The following TBC1D1 variants were observed in gnomAD, a reference collection of about 807,000 sequenced individuals.
TBC1D1 encodes the protein TBC1 domain family member 1.
A neutral mutation model predicts 125.6 loss-of-function variants in TBC1D1; 89 were observed. The observed-to-expected ratio is 0.71, with a 90% CI of 0.60 to 0.85. TBC1D1 has a LOEUF of 0.85. TBC1D1 is among the 40% of genes least tolerant of loss of function. The probability of loss-of-function intolerance (pLI) is 0.00; values close to 1 mark genes in which losing one functional copy is unlikely to be tolerated. For synonymous variants in TBC1D1, 565 were observed against 564.1 expected (o/e 1.00, Z -0.02); for missense variants, 1,377 against 1,469.2 (o/e 0.94, Z 1.03).
intron 14 of TBC1D1, among the ~76,000 whole-genome samples, chr4:38,097,431 C>T (rs1012116213): frequency 6.6e-6 from 1 of 151,928 alleles, no homozygotes; most frequent in African/African-American, 2.4e-5. Context: ...GCTCTGCCTC[C>T]CGGGTTCACA....
chr4:38,118,233 T>G, intron 17 of TBC1D1, 41 bp downstream of exon 19: 1 of 1,605,102 alleles, frequency 6.2e-7, no homozygotes, highest in African/African-American at 1.3e-5. Flanking sequence ...CAGCCTTCTC[T>G]TATTAGAGGG....
chr4:38,029,571 A>T (rs569053726), intron 7 of TBC1D1, among the ~76,000 whole-genome samples: 1 of 152,038 alleles, frequency 6.6e-6, no homozygotes. Context: ...GTTTCACCAT[A>T]TTGGCCAGGC....
intron 12 of TBC1D1, among the ~76,000 whole-genome samples, chr4:38,073,981 G>A (rs1578558307): frequency 6.6e-6 from 1 of 152,194 alleles, no homozygotes; most frequent in African/African-American, 2.4e-5. Flanking sequence ...GGCAGAGGGA[G>A]GATGGTCACA....
At chr4:38,125,336 G>T (rs528887096) in intron 18 of TBC1D1, among the ~76,000 whole-genome samples, 18 of 152,314 alleles carry the variant, frequency 1.2e-4, no homozygotes, top group Admixed American at 5.2e-4. Context: ...ATGCCACATG[G>T]AAACATGGTG....
At chr4:38,044,842 T>C (rs1749090564) in intron 9 of TBC1D1, among the ~76,000 whole-genome samples, 1 of 152,196 alleles carries the variant, frequency 6.6e-6, no homozygotes, top group Admixed American at 6.5e-5. Flanking sequence ...ACAGTTACTG[T>C]CAGCTGCTGG....
chr4:38,080,729 C>T (rs1224358572), intron 12 of TBC1D1, among the ~76,000 whole-genome samples: 1 of 152,038 alleles, frequency 6.6e-6, no homozygotes, highest in Non-Finnish European at 1.5e-5. Flanking sequence ...ACCTGCACAG[C>T]CGCCCTCTGC....
chr4:38,096,987 AAT>A (rs778655645), intron 14 of TBC1D1, among the ~76,000 whole-genome samples: 5 of 152,174 alleles, frequency 3.3e-5, no homozygotes, highest in Non-Finnish European at 5.9e-5. Context: ...TTTCTTTAAA[AAT>A]ATATGTTAAT....
At chr4:37,929,135 A>G (rs1722745516) in intron 2 of TBC1D1, among the ~76,000 whole-genome samples, 1 of 152,220 alleles carries the variant, frequency 6.6e-6, no homozygotes, top group South Asian at 2.1e-4. Flanking sequence ...ATGCTTTTAT[A>G]GTGGCTAGTG....
intron 2 of TBC1D1, among the ~76,000 whole-genome samples, chr4:37,968,613 C>A (rs1731481881): frequency 1.3e-5 from 2 of 152,364 alleles, no homozygotes; most frequent in African/African-American, 4.8e-5. Flanking sequence ...TGTTCTTCTA[C>A]TTCTCCTCTA....
intron 12 of TBC1D1, chr4:38,060,567 G>A (rs1380517066): frequency 2.5e-6 from 3 of 1,208,048 alleles, no homozygotes; most frequent in Non-Finnish European, 3.3e-6. Context: ...TTGCTCCTCT[G>A]AGTAAAGGGT....
At chr4:38,052,724 G>GCACACACA (rs1553926648) in intron 11 of TBC1D1, among the ~76,000 whole-genome samples, 1 of 59,962 alleles carries the variant, frequency 1.7e-5, no homozygotes, top group African/African-American at 5.7e-5. Context: ...GCGCGCGCGC[G>GCACACACA]CGCGCACACA....
At chr4:38,105,130 A>C (rs1761084152) in intron 15 of TBC1D1, among the ~76,000 whole-genome samples, 1 of 152,006 alleles carries the variant, frequency 6.6e-6, no homozygotes, top group Non-Finnish European at 1.5e-5. Flanking sequence ...CTCCCACCTC[A>C]AGACTGGATG....
chr4:38,065,361 T>C (rs1301135684), intron 12 of TBC1D1, among the ~76,000 whole-genome samples: 2 of 152,124 alleles, frequency 1.3e-5, no homozygotes, highest in Non-Finnish European at 2.9e-5. Context: ...ATGCTGGAGA[T>C]GAATTATCTT....
chr4:37,902,271 C>T lies in TBC1D1; in HGVS notation c.176C>T (p.Pro59Leu). The change falls in exon 2 of 20, where the codon CCT (proline) becomes CTT (leucine). Residue 59 changes from proline to leucine, a missense_variant. Pro to Leu is a moderately conservative substitution (Grantham distance 98). Transcript: ENST00000261439. ...AGCAGGCAGTCCACCAGAAAGGAACCTGTAACCAAGCAAGTCCGGCTTTGC... is the reference window on the plus strand; with the variant it reads ...AGCAGGCAGTCCACCAGAAAGGAACTTGTAACCAAGCAAGTCCGGCTTTGC... The T allele has an allele frequency of 6.2e-7, 1 of 1,614,122 alleles. No individual in the cohort carries two copies.
intron 2 of TBC1D1, among the ~76,000 whole-genome samples, chr4:37,906,933 A>G (rs1196127659): frequency 6.6e-6 from 1 of 152,228 alleles, no homozygotes; most frequent in Non-Finnish European, 1.5e-5. Flanking sequence ...ATATCTACTA[A>G]TATGTACTCT....
chr4:38,090,192 A>G, intron 13 of TBC1D1, 75 bp downstream of exon 15: 3 of 1,437,280 alleles, frequency 2.1e-6, no homozygotes, highest in Non-Finnish European at 2.9e-6. Context: ...AGACATAAGC[A>G]TGCTGTCTTA....
At position 37,991,633 on chromosome 4, in the gene TBC1D1, CT is replaced by C. The variant is rs66674403; in HGVS notation, c.418-22864del. On this transcript the variant is annotated intron_variant, in intron 2 of 19. Transcript: ENST00000261439. The stretch of plus-strand genomic sequence containing the variant: ...GTGGGCACTGGCAGCTCTTCTCTCT[CT>C]TTTTTTTTTTTAAATTTAGTGGGCT... Among the ~76,000 whole-genome samples the C allele has an allele frequency of 3.2e-3, 331 of 103,906 alleles. 1 individual carries two copies. Among genetic ancestry groups the C allele is most frequent in the African/African-American group, 0.012 (269 of 23,318 alleles). 68.2% of individuals were successfully genotyped at this position (103,906 alleles called of 152,430 possible). A position where few individuals can be genotyped will look rare whatever the true frequency, so the allele number is the denominator to read the frequency against.
intron 12 of TBC1D1, among the ~76,000 whole-genome samples, chr4:38,066,864 G>A (rs1172531123): frequency 6.6e-6 from 1 of 152,090 alleles, no homozygotes; most frequent in Non-Finnish European, 1.5e-5. Context: ...TTTGCAGCAT[G>A]AGTACTAACA....
chr4:38,092,932 A>G (rs1758671180), intron 13 of TBC1D1, among the ~76,000 whole-genome samples: 1 of 152,050 alleles, frequency 6.6e-6, no homozygotes, highest in South Asian at 2.1e-4. Context: ...CCTAATGTGC[A>G]CATCTTTGAG....
Sources: allele counts gnomAD v4.1 joint callset (sites outside exome capture counted in the v4.1 genomes callset), GRCh38; gene constraint gnomAD v4.1.1; transcripts MANE v1.5; gene names NCBI Gene and HGNC (gene_info 2026-07-23, HGNC 2026-07-21).